Variants in RBL2 observed in about 807,000 individuals in gnomAD.
The protein encoded by RBL2 is RB transcriptional corepressor like 2, also known as retinoblastoma-like protein 2.
In RBL2, 56 loss-of-function variants were observed where a neutral mutation model predicts 126.0. The ratio of observed to expected loss-of-function variants is 0.44; its 90% confidence interval spans 0.36 to 0.56. The LOEUF (loss-of-function observed/expected upper bound fraction) is 0.56, where lower values mean the gene tolerates loss of function less well. RBL2 is among the 20% of genes least tolerant of loss of function. RBL2 has a pLI of 0.00. For synonymous variants in RBL2, 454 were observed against 478.5 expected (o/e 0.95, Z 0.67); for missense variants, 1,229 against 1,398.2 (o/e 0.88, Z 1.93).
chr16:53,438,680 C>CA (rs1327010698), intron 1 of RBL2, among the ~76,000 whole-genome samples: 1 of 151,578 alleles, frequency 6.6e-6, no homozygotes, highest in Non-Finnish European at 1.5e-5. Context: ...CCTGTCTCTA[C>CA]AAAAAATACA....
chr16:53,469,829 A>T, intron 14 of RBL2, 87 bp from the exon 15 acceptor site: 2 of 1,367,974 alleles, frequency 1.5e-6, no homozygotes, highest in Non-Finnish European at 2.0e-6. Flanking sequence ...CAAACACTGT[A>T]GTTATTTTTT....
In RBL2 at chr16:53,480,002, T is replaced by C; in HGVS notation, c.2881+11T>C. The C allele has an allele frequency of 1.3e-6, 2 of 1,558,976 alleles. No individual in the cohort carries two copies. The highest frequency in any genetic ancestry group is 1.8e-6 in the Non-Finnish European group (2 of 1,140,994). ...TAAACAAAGATAGAAGTAAGTGGGA[T>C]CTTTGTGAACTACAAGACAAAATTA... On this transcript the variant is annotated intron_variant, in intron 19 of 21. Coordinates refer to ENST00000262133, the MANE Select transcript of RBL2 (RefSeq NM_005611.4).
chr16:53,474,890 T>A (rs72801843), intron 17 of RBL2, among the ~76,000 whole-genome samples: 31,368 of 152,078 alleles, frequency 0.21, 4,386 homozygotes, highest in Middle Eastern at 0.36. Flanking sequence ...CCTTTTTTTT[T>A]AATTTACAGC....
At chr16:53,440,338 G>A (rs16952242) in intron 2 of RBL2, among the ~76,000 whole-genome samples, 42,246 of 151,914 alleles carry the variant, frequency 0.28, 6,164 homozygotes, top group Middle Eastern at 0.37. Context: ...TTTAGCTGAC[G>A]TTGTGAATTT....
intron 1 of RBL2, among the ~76,000 whole-genome samples, chr16:53,437,073 C>T (rs1567723799): frequency 6.6e-6 from 1 of 151,192 alleles, no homozygotes; most frequent in East Asian, 1.9e-4. Context: ...TCTCCCTCCA[C>T]CATCCAAGTA....
chr16:53,440,197 G>A lies in RBL2; in HGVS notation c.371+1051G>A, dbSNP rs376618343. ...TGTAATCTTAGCTACTCAGGAAGCC[G>A]AGTCAGGAAAATCACTTGAGCCCAG... On this transcript the variant is annotated intron_variant, in intron 2 of 21. Coordinates refer to ENST00000262133, the MANE Select transcript of RBL2 (RefSeq NM_005611.4). 1.2e-4 allele frequency among the ~76,000 whole-genome samples: 19 copies of A among 152,042 alleles called. No homozygotes were observed. The South Asian group carries it at 4.0e-3, about 32-fold the overall frequency.
chr16:53,435,078 G>T (rs918506168), intron 1 of RBL2, among the ~76,000 whole-genome samples: 1 of 152,184 alleles, frequency 6.6e-6, no homozygotes, highest in African/African-American at 2.4e-5. Flanking sequence ...AAATGGGTGT[G>T]TGTGGCCCAT....
intron 21 of RBL2, among the ~76,000 whole-genome samples, chr16:53,484,864 A>G (rs1961099734): frequency 1.3e-5 from 2 of 152,230 alleles, no homozygotes; most frequent in Admixed American, 1.3e-4. Flanking sequence ...AAGGGTGGAA[A>G]AGGTTATACC....
intron 9 of RBL2, among the ~76,000 whole-genome samples, chr16:53,460,972 A>G (rs1222406652): frequency 6.6e-6 from 1 of 152,196 alleles, no homozygotes; most frequent in African/African-American, 2.4e-5. Flanking sequence ...TGGCGGGAAA[A>G]AAATGTAGAA....
chr16:53,469,179 G>A (rs1045287415), intron 14 of RBL2, among the ~76,000 whole-genome samples: 6 of 152,156 alleles, frequency 3.9e-5, no homozygotes, highest in African/African-American at 4.8e-5. Context: ...GTAGTGAGCC[G>A]AGATCAGGCT....
chr16:53,483,449 A>G (rs1449113965), intron 21 of RBL2, among the ~76,000 whole-genome samples: 1 of 152,220 alleles, frequency 6.6e-6, no homozygotes, highest in Non-Finnish European at 1.5e-5. Context: ...GTAGCTACTC[A>G]GGAGGCTGAG....
At position 53,464,311 on chromosome 16, in the gene RBL2, A is replaced by T. The variant is rs140896175; in HGVS notation, c.1646A>T (p.Asn549Ile). The T allele has an allele frequency of 1.7e-3, 2,712 of 1,589,426 alleles. 98 individuals carry two copies. The East Asian group carries it at 0.054, about 32-fold the overall frequency. Residue 549 changes from asparagine (N) to isoleucine (I), a missense_variant, in exon 12 of 22, where the codon AAT (asparagine) becomes ATT (isoleucine). Asn to Ile is a moderately radical substitution (Grantham distance 149, BLOSUM62 -3). This residue lies in a region of RBL2 where 1,070 missense variants were observed against 1,274.3 expected (regional missense o/e 0.84). Transcript: ENST00000262133. Reference sequence around the variant, plus strand: ...ACTTTTTCTTATAAGCCTCCTGGGAATTTTCCATTTATTACTGAAATATTT... The same window carrying T: ...ACTTTTTCTTATAAGCCTCCTGGGATTTTTCCATTTATTACTGAAATATTT... Reference protein sequence around the residue: ...VVTFSYKPPGNFPFITEIFDV... With the variant: ...VVTFSYKPPGIFPFITEIFDV...
intron 21 of RBL2, among the ~76,000 whole-genome samples, chr16:53,483,856 G>T (rs1269308110): frequency 2.6e-5 from 4 of 151,256 alleles, no homozygotes; most frequent in African/African-American, 9.7e-5. Context: ...CAGCCTGGGG[G>T]ACAAGAGCAA....
chr16:53,465,320 AAAGG>A, intron 12 of RBL2, 114 bp from the exon 13 acceptor site: 1 of 620,288 alleles, frequency 1.6e-6, no homozygotes, highest in Non-Finnish European at 2.4e-6. Flanking sequence ...AAAGACAGTA[AAAGG>A]AAGAGCGGCT....
chr16:53,464,310 A>C lies in RBL2; in HGVS notation c.1645A>C (p.Asn549His). The part of the protein sequence containing the change: ...VVTFSYKPPG[N>H]FPFITEIFDV... Reference sequence around the variant, plus strand: ...CACTTTTTCTTATAAGCCTCCTGGGAATTTTCCATTTATTACTGAAATATT... The same window carrying C: ...CACTTTTTCTTATAAGCCTCCTGGGCATTTTCCATTTATTACTGAAATATT... Residue 549 changes from asparagine (N) to histidine (H), a missense_variant, in exon 12 of 22, where the codon AAT (asparagine) becomes CAT (histidine). Coordinates refer to ENST00000262133, the MANE Select transcript of RBL2 (RefSeq NM_005611.4). 2.5e-6 allele frequency: 4 copies of C among 1,591,094 alleles called. No homozygotes were observed. The highest frequency in any genetic ancestry group is 3.4e-6 in the Non-Finnish European group (4 of 1,159,744).
chr16:53,447,375 T>C (rs548802044), intron 4 of RBL2, among the ~76,000 whole-genome samples: 1 of 152,258 alleles, frequency 6.6e-6, no homozygotes, highest in South Asian at 2.1e-4. Flanking sequence ...CTCTTTTAAA[T>C]TATGAGCTGA....
intron 9 of RBL2, 94 bp from the exon 10 acceptor site, chr16:53,461,647 T>C (rs1181548036): frequency 2.4e-6 from 2 of 826,976 alleles, no homozygotes; most frequent in East Asian, 5.6e-5. Context: ...CAGAGTGTTT[T>C]ATATTTACAT....
intron 5 of RBL2, among the ~76,000 whole-genome samples, chr16:53,452,481 G>T (rs1367030175): frequency 7.2e-5 from 11 of 152,126 alleles, no homozygotes; most frequent in Admixed American, 7.2e-4. Context: ...GGTAATTTCA[G>T]TTAAAATTTC....
In RBL2 at chr16:53,462,615, T is replaced by C. The variant is rs1001136799; in HGVS notation, c.1520T>C (p.Ile507Thr). ...MLYYKVLESVIEQEQKRLGDM... is the reference protein window; with the variant it reads ...MLYYKVLESVTEQEQKRLGDM... ...TACTATAAAGTATTAGAATCTGTTA[T>C]TGAGCAGGAACAAAAAAGACTAGGA... Residue 507 changes from isoleucine (I) to threonine (T), a missense_variant, in exon 11 of 22, where the codon ATT becomes ACT. Ile to Thr is a moderately conservative substitution (Grantham distance 89). Around this residue, in one of 2 missense-constraint regions of RBL2, gnomAD observed 1,070 missense variants for 1,274.3 expected, o/e 0.84. Coordinates refer to ENST00000262133, the MANE Select transcript of RBL2 (RefSeq NM_005611.4). The C allele has an allele frequency of 1.3e-6, 2 of 1,575,472 alleles. No homozygotes were observed. Among genetic ancestry groups the C allele is most frequent in the East Asian group, 2.3e-5 (1 of 43,700 alleles).
Sources: gnomAD v4.1 joint callset for allele counts (sites outside exome capture counted in the v4.1 genomes callset) on GRCh38, gnomAD v4.1.1 for gene constraint, gnomAD v4.1.1 regional missense constraint, MANE v1.5 for transcripts, NCBI Gene and HGNC (gene_info 2026-07-23, HGNC 2026-07-21) for gene names.